Variants in LHFPL6 observed in about 807,000 individuals in gnomAD.
LHFPL6 encodes the protein LHFPL tetraspan subfamily member 6 protein.
Under a neutral mutation model 20.6 loss-of-function variants are expected in LHFPL6, and 9 were observed. The ratio of observed to expected loss-of-function variants is 0.44; its 90% confidence interval spans 0.26 to 0.76. The LOEUF (loss-of-function observed/expected upper bound fraction) is 0.76, where lower values mean the gene tolerates loss of function less well. Among genes scored for constraint, LHFPL6 ranks in the 30% least tolerant of loss-of-function variants. The pLI is 0.20. For missense variants in LHFPL6, 218 were observed against 253.5 expected (o/e 0.86, Z 0.95); for synonymous variants, 105 against 98.7 (o/e 1.06, Z -0.38).
intron 2 of LHFPL6, among the ~76,000 whole-genome samples, chr13:39,379,259 G>C (rs577115134): frequency 6.6e-6 from 1 of 152,312 alleles, no homozygotes; most frequent in African/African-American, 2.4e-5. Context: ...TGAGTCTTTA[G>C]TTTGCATCAA....
At chr13:39,491,089 T>G (rs983246578) in intron 2 of LHFPL6, among the ~76,000 whole-genome samples, 2 of 152,222 alleles carry the variant, frequency 1.3e-5, no homozygotes, top group African/African-American at 2.4e-5. Flanking sequence ...ATGGCACATA[T>G]ACACTACTCC....
chr13:39,595,825 A>G (rs1872754758), intron 2 of LHFPL6, among the ~76,000 whole-genome samples: 1 of 152,216 alleles, frequency 6.6e-6, no homozygotes, highest in African/African-American at 2.4e-5. Context: ...TTTAAGTGCC[A>G]TTCTACCTTG....
chr13:39,509,954 A>C (rs1411924805), intron 2 of LHFPL6, among the ~76,000 whole-genome samples: 2 of 152,222 alleles, frequency 1.3e-5, no homozygotes, highest in Non-Finnish European at 2.9e-5. Context: ...AAATAAAATA[A>C]AAATACTACA....
At chr13:39,595,083 G>T (rs1050495239) in intron 2 of LHFPL6, among the ~76,000 whole-genome samples, 1 of 151,986 alleles carries the variant, frequency 6.6e-6, no homozygotes, top group Admixed American at 6.6e-5. Flanking sequence ...AAACCTGCAC[G>T]TTGTGCACAT....
rs1873030062 is a variant in LHFPL6, at chr13:39,603,181, C to G, written c.-473G>C. On this transcript the variant is annotated 5_prime_UTR_variant, in exon 1 of 4. Coordinates refer to ENST00000379589, the MANE Select transcript of LHFPL6 (RefSeq NM_005780.3). ...GCGCCGGGGATCGCACGCAGAGGAG[C>G]GGATCTCCCTTTGGCAGGCGAGGCA... The G allele has an allele frequency of 6.6e-6, 1 of 152,320 alleles. No homozygotes were observed. Among genetic ancestry groups the G allele is most frequent in the Non-Finnish European group, 1.5e-5 (1 of 68,176 alleles). The allele number at this position is 152,320 out of a possible 1,614,324, so 9.4% of individuals were successfully genotyped here.
chr13:39,573,977 C>G (rs1369808529), intron 2 of LHFPL6, among the ~76,000 whole-genome samples: 2 of 152,124 alleles, frequency 1.3e-5, no homozygotes. Context: ...TGAAGTATCT[C>G]CCAACAGAAA....
chr13:39,400,926 T>C (rs1166819260), intron 2 of LHFPL6, among the ~76,000 whole-genome samples: 2 of 152,052 alleles, frequency 1.3e-5, no homozygotes, highest in African/African-American at 4.8e-5. Context: ...AAGTACCAGT[T>C]TCAACTATTT....
chr13:39,375,840 C>T (rs960044557), intron 3 of LHFPL6, among the ~76,000 whole-genome samples: 2 of 151,800 alleles, frequency 1.3e-5, no homozygotes, highest in Non-Finnish European at 2.9e-5. Flanking sequence ...CCCCAAAAAA[C>T]TTATGCAGTG....
rs1871559003 is a variant in LHFPL6 at position 39,562,585 on chromosome 13, T to TATACACATATACACATATATACAC, written c.385+38246_385+38247insGTGTATATATGTGTATATGTGTAT. Among the ~76,000 whole-genome samples the TATACACATATACACATATATACAC allele has an allele frequency of 2.2e-5, 2 of 90,144 alleles. 1 individual carries two copies. Among genetic ancestry groups the TATACACATATACACATATATACAC allele is most frequent in the African/African-American group, 6.5e-5 (2 of 30,914 alleles). 59.1% of individuals were successfully genotyped at this position (90,144 alleles called of 152,430 possible). A position where few individuals can be genotyped will look rare whatever the true frequency, so the allele number is the denominator to read the frequency against. On this transcript the variant is annotated intron_variant, in intron 2 of 3. Coordinates refer to ENST00000379589, the MANE Select transcript of LHFPL6 (RefSeq NM_005780.3). Reference sequence around the variant, plus strand: ...ACATATACACATACATATATACACATATATACATATATACACATATACATA... The same window carrying TATACACATATACACATATATACAC: ...ACATATACACATACATATATACACATATACACATATACACATATATACACATATACATATATACACATATACATA...
At chr13:39,483,700 A>G (rs951427387) in intron 2 of LHFPL6, among the ~76,000 whole-genome samples, 1 of 152,160 alleles carries the variant, frequency 6.6e-6, no homozygotes, top group Admixed American at 6.5e-5. Context: ...ACCAAAATCA[A>G]TGCAGAGAGG....
rs192009037 is a variant in LHFPL6 at position 39,495,269 on chromosome 13, G to T, written c.385+105563C>A. 8.5e-4 allele frequency among the ~76,000 whole-genome samples: 130 copies of T among 152,238 alleles called. 1 individual carries two copies. The highest frequency in any genetic ancestry group is 2.9e-3 in the African/African-American group (122 of 41,524). On this transcript the variant is annotated intron_variant, in intron 2 of 3. Coordinates refer to ENST00000379589, the MANE Select transcript of LHFPL6 (RefSeq NM_005780.3). ...ATTAATGAATCTATTCAGATTTCAG[G>T]GTACTGGTCTTTCAGAACCTCTTTA...
chr13:39,588,486 A>C (rs1872517403), intron 2 of LHFPL6, among the ~76,000 whole-genome samples: 1 of 152,248 alleles, frequency 6.6e-6, no homozygotes, highest in South Asian at 2.1e-4. Context: ...TGTGAAACAA[A>C]GTGTTAAATA....
intron 2 of LHFPL6, among the ~76,000 whole-genome samples, chr13:39,479,005 T>A (rs562400353): frequency 6.6e-6 from 1 of 150,978 alleles, no homozygotes; most frequent in African/African-American, 2.4e-5. Context: ...TTCTTTATTA[T>A]ATATAATGAA....
chr13:39,417,483 T>C (rs1267232140), intron 2 of LHFPL6, among the ~76,000 whole-genome samples: 1 of 152,214 alleles, frequency 6.6e-6, no homozygotes, highest in Non-Finnish European at 1.5e-5. Context: ...GTCATTTAAC[T>C]AACAGCTCCT....
At chr13:39,557,724 G>A (rs1871349155) in intron 2 of LHFPL6, among the ~76,000 whole-genome samples, 1 of 152,244 alleles carries the variant, frequency 6.6e-6, no homozygotes, top group Non-Finnish European at 1.5e-5. Context: ...TGGAGATGAG[G>A]CCTCATGGGA....
chr13:39,461,780 G>A (rs1356205407), intron 2 of LHFPL6, among the ~76,000 whole-genome samples: 3 of 152,208 alleles, frequency 2.0e-5, no homozygotes, highest in Admixed American at 6.5e-5. Context: ...TGCTGCTGAA[G>A]TATTTGCATT....
At chr13:39,368,923 CT>C (rs1185350812) in intron 3 of LHFPL6, among the ~76,000 whole-genome samples, 4 of 152,074 alleles carry the variant, frequency 2.6e-5, no homozygotes, top group Non-Finnish European at 5.9e-5. Context: ...GGGCTTCTTT[CT>C]GTTTTATATT....
At chr13:39,427,579 A>AT (rs371708571) in intron 2 of LHFPL6, among the ~76,000 whole-genome samples, 4 of 151,942 alleles carry the variant, frequency 2.6e-5, no homozygotes, top group South Asian at 2.1e-4. Flanking sequence ...ATTTAAATTG[A>AT]TTTTTTTTCA....
At chr13:39,563,933 T>C (rs1871629547) in intron 2 of LHFPL6, among the ~76,000 whole-genome samples, 1 of 152,180 alleles carries the variant, frequency 6.6e-6, no homozygotes. Flanking sequence ...AGGGCGGTTA[T>C]GTGAGAGAAT....
Sources: allele counts gnomAD v4.1 joint callset (sites outside exome capture counted in the v4.1 genomes callset), GRCh38; gene constraint gnomAD v4.1.1; transcripts MANE v1.5; gene names NCBI Gene and HGNC (gene_info 2026-07-23, HGNC 2026-07-21).